Variants in ITGA8 observed in about 807,000 individuals in gnomAD.
ITGA8 encodes the protein integrin subunit alpha 8.
In ITGA8, 91 loss-of-function variants were observed where a neutral mutation model predicts 142.3. The observed-to-expected ratio is 0.64, with a 90% CI of 0.54 to 0.76. ITGA8 has a LOEUF of 0.76. Among genes scored for constraint, ITGA8 ranks in the 30% least tolerant of loss-of-function variants. The pLI, the probability that ITGA8 is intolerant of heterozygous loss-of-function variation, is 0.00. For synonymous variants in ITGA8, 505 were observed against 485.2 expected (o/e 1.04, Z -0.54); for missense variants, 1,406 against 1,327.7 (o/e 1.06, Z -0.92).
chr10:15,688,090 T>A (rs749268735), intron 2 of ITGA8, 52 bp from the exon 3 acceptor site: 1 of 1,113,472 alleles, frequency 9.0e-7, no homozygotes, highest in Non-Finnish European at 1.4e-6. Context: ...GGCAGCCAAT[T>A]AAAACACATA....
At chr10:15,610,635 C>T (rs1186768752) in intron 15 of ITGA8, among the ~76,000 whole-genome samples, 1 of 152,158 alleles carries the variant, frequency 6.6e-6, no homozygotes, top group Non-Finnish European at 1.5e-5. Flanking sequence ...TAGTCCCAAC[C>T]CAAGCACGGT....
intron 13 of ITGA8, among the ~76,000 whole-genome samples, chr10:15,641,495 T>G (rs563900602): frequency 1.3e-5 from 2 of 152,300 alleles, no homozygotes; most frequent in African/African-American, 4.8e-5. Context: ...AAAGGCTTCT[T>G]TGAATGGCAT....
chr10:15,678,670 G>A (rs1834677930), intron 5 of ITGA8, 52 bp downstream of exon 5: 5 of 1,269,146 alleles, frequency 3.9e-6, no homozygotes, highest in African/African-American at 1.5e-5. Flanking sequence ...GAGGCAGAGG[G>A]TAAAAAAAAA....
intron 17 of ITGA8, 146 bp from the exon 18 acceptor site, chr10:15,606,568 AT>A: frequency 1.4e-6 from 1 of 711,316 alleles, no homozygotes. Context: ...ATGGAGGCTG[AT>A]TTATGTGGTA....
intron 23 of ITGA8, among the ~76,000 whole-genome samples, chr10:15,578,224 A>C: frequency 6.6e-6 from 1 of 152,152 alleles, no homozygotes; most frequent in East Asian, 1.9e-4. Flanking sequence ...TCTGTTCCTC[A>C]TTTATATAAT....
At position 15,518,605 on chromosome 10, in the gene ITGA8, T is replaced by G. The variant is rs2131529439; in HGVS notation, c.3105+685A>C. Among the ~76,000 whole-genome samples the G allele has an allele frequency of 2.0e-5, 3 of 152,368 alleles. No homozygotes were observed. In the Middle Eastern group the frequency reaches 0.01, roughly 518 times the overall value. On this transcript the variant is annotated intron_variant, in intron 29 of 29. Coordinates refer to ENST00000378076, the MANE Select transcript of ITGA8 (RefSeq NM_003638.3). ...ACTGGGTTAATTACTCTTATGTAACTGGGACGTCATTTCCATTTGGGAATG... is the reference window on the plus strand; with the variant it reads ...ACTGGGTTAATTACTCTTATGTAACGGGGACGTCATTTCCATTTGGGAATG...
chr10:15,525,268 C>T (rs1302004402), intron 28 of ITGA8, among the ~76,000 whole-genome samples: 2 of 152,108 alleles, frequency 1.3e-5, no homozygotes, highest in Non-Finnish European at 2.9e-5. Flanking sequence ...CAAGACATAA[C>T]CTTGCCCTTG....
chr10:15,656,091 C>G (rs140700068), intron 10 of ITGA8, among the ~76,000 whole-genome samples: 1,719 of 152,142 alleles, frequency 0.011, 15 homozygotes, highest in Non-Finnish European at 0.018. Flanking sequence ...TCTCAAAAGA[C>G]AATATTGTCA....
At chr10:15,598,476 T>A (rs1833045429) in intron 20 of ITGA8, among the ~76,000 whole-genome samples, 1 of 152,160 alleles carries the variant, frequency 6.6e-6, no homozygotes, top group African/African-American at 2.4e-5. Flanking sequence ...GCAAAAAACA[T>A]GAAACATTCC....
Position 15,644,317 on chromosome 10 carries a change from G to A in ITGA8, c.1208-96C>T, listed in dbSNP as rs926778688. 29 of 1,177,870 alleles carry A rather than the reference G, an allele frequency of 2.5e-5. No homozygotes were observed. In the South Asian group the frequency reaches 4.2e-4, roughly 17 times the overall value. The allele number at this position is 1,177,870 out of a possible 1,614,324, so 73.0% of individuals were successfully genotyped here. A position where few individuals can be genotyped will look rare whatever the true frequency, so the allele number is the denominator to read the frequency against. On this transcript the variant is annotated intron_variant, in intron 12 of 29. Coordinates refer to ENST00000378076, the MANE Select transcript of ITGA8 (RefSeq NM_003638.3). ...GGACCTTACTCTGTCACCCAAGCTG[G>A]AGTGCAGTGGTGGGATCATGGCTCA...
chr10:15,705,237 C>G lies in ITGA8; in HGVS notation c.343+13529G>C, dbSNP rs139631012. ...GTCTGGTAATCCTATTATTTCATGA[C>G]TCCACTTTGCCATTCTGCCACTACT... On this transcript the variant is annotated intron_variant, in intron 2 of 29. Coordinates refer to ENST00000378076, the MANE Select transcript of ITGA8 (RefSeq NM_003638.3). Among the ~76,000 whole-genome samples, 341 of 152,316 alleles carry G rather than the reference C, an allele frequency of 2.2e-3. 1 individual carries two copies. The highest frequency in any genetic ancestry group is 7.3e-3 in the African/African-American group (304 of 41,572).
intron 15 of ITGA8, among the ~76,000 whole-genome samples, chr10:15,611,309 T>C (rs1564373622): frequency 6.6e-6 from 1 of 152,172 alleles, no homozygotes; most frequent in South Asian, 2.1e-4. Flanking sequence ...AAAATAAGAC[T>C]TCTTCCAGAA....
At chr10:15,558,693 C>T (rs960221402) in intron 25 of ITGA8, among the ~76,000 whole-genome samples, 2 of 152,116 alleles carry the variant, frequency 1.3e-5, no homozygotes, top group South Asian at 2.1e-4. Context: ...GGCTGAACCC[C>T]ACGTTCCTGC....
At chr10:15,638,984 C>G (rs183568748) in intron 13 of ITGA8, among the ~76,000 whole-genome samples, 27 of 152,100 alleles carry the variant, frequency 1.8e-4, no homozygotes, top group Admixed American at 7.2e-4. Flanking sequence ...AAAAAATTAG[C>G]CAGGTATGGT....
chr10:15,606,526 T>G (rs1050901579), intron 17 of ITGA8, 104 bp from the exon 18 acceptor site: 4 of 1,115,786 alleles, frequency 3.6e-6, no homozygotes, highest in African/African-American at 3.1e-5. Flanking sequence ...TGAAAGTGAA[T>G]GATGAAACAA....
At chr10:15,695,729 T>A (rs554105416) in intron 2 of ITGA8, among the ~76,000 whole-genome samples, 3 of 152,328 alleles carry the variant, frequency 2.0e-5, no homozygotes, top group Admixed American at 2.0e-4. Flanking sequence ...GGATTCTGAA[T>A]GAATGAGAGG....
chr10:15,606,865 T>C (rs1258128555), intron 17 of ITGA8, among the ~76,000 whole-genome samples: 1 of 152,208 alleles, frequency 6.6e-6, no homozygotes, highest in Non-Finnish European at 1.5e-5. Flanking sequence ...CATCATCTTT[T>C]TAAGCCCTTG....
intron 23 of ITGA8, among the ~76,000 whole-genome samples, chr10:15,578,002 G>A: frequency 6.6e-6 from 1 of 152,258 alleles, no homozygotes; most frequent in South Asian, 2.1e-4. Flanking sequence ...GTAGTTGTAA[G>A]AAATAACTTG....
intron 2 of ITGA8, among the ~76,000 whole-genome samples, chr10:15,694,034 C>T (rs1834982704): frequency 6.7e-6 from 1 of 149,778 alleles, no homozygotes; most frequent in South Asian, 2.1e-4. Flanking sequence ...GTTACAACTA[C>T]ATGAAGGTCA....
Sources: gnomAD v4.1 joint callset for allele counts (sites outside exome capture counted in the v4.1 genomes callset) on GRCh38, gnomAD v4.1.1 for gene constraint, MANE v1.5 for transcripts, NCBI Gene and HGNC (gene_info 2026-07-23, HGNC 2026-07-21) for gene names.